The following MARCHF1 variants were observed in gnomAD, a reference collection of about 807,000 sequenced individuals.
MARCHF1 encodes the protein E3 ubiquitin-protein ligase MARCHF1.
Under a neutral mutation model 54.2 loss-of-function variants are expected in MARCHF1, and 40 were observed. That is an observed-to-expected ratio of 0.74 (90% CI 0.57 to 0.96). MARCHF1 has a LOEUF of 0.96. Ranked by LOEUF, MARCHF1 falls within the 40% of genes least tolerant of loss-of-function variation. The pLI is 0.00. For missense variants in MARCHF1, 586 were observed against 656.5 expected, an observed-to-expected ratio of 0.89 and a Z score of 1.17; for synonymous variants, 236 against 236.3, an observed-to-expected ratio of 1.00 and a Z score of 0.01.
At chr4:164,382,044 C>T (rs1394894376) in intron 1 of MARCHF1, among the ~76,000 whole-genome samples, 1 of 152,218 alleles carries the variant, frequency 6.6e-6, no homozygotes, top group South Asian at 2.1e-4. Flanking sequence ...TTATGCACTT[C>T]CCAGTAGAGA....
intron 4 of MARCHF1, among the ~76,000 whole-genome samples, chr4:163,726,670 AG>A (rs1002045310): frequency 6.6e-6 from 1 of 152,236 alleles, no homozygotes; most frequent in Admixed American, 6.5e-5. Context: ...TAGTTCAGTA[AG>A]AAACTCACAA....
chr4:164,098,665 A>G (rs1755467974), intron 2 of MARCHF1, among the ~76,000 whole-genome samples: 1 of 152,216 alleles, frequency 6.6e-6, no homozygotes, highest in Admixed American at 6.5e-5. Context: ...TTTAAGAAAG[A>G]ATGAAGATCT....
intron 1 of MARCHF1, among the ~76,000 whole-genome samples, chr4:164,270,935 G>A (rs1733730236): frequency 6.6e-6 from 1 of 152,040 alleles, no homozygotes; most frequent in Non-Finnish European, 1.5e-5. Context: ...GAAAAAGAAA[G>A]TTGAGGAAAT....
At chr4:163,912,363 A>G (rs1010317792) in intron 3 of MARCHF1, among the ~76,000 whole-genome samples, 2 of 152,184 alleles carry the variant, frequency 1.3e-5, no homozygotes, top group African/African-American at 4.8e-5. Context: ...GAAAATAAAA[A>G]AAGTGTTATG....
intron 1 of MARCHF1, among the ~76,000 whole-genome samples, chr4:164,164,663 G>C (rs897159858): frequency 6.6e-6 from 1 of 151,988 alleles, no homozygotes; most frequent in Admixed American, 6.6e-5. Flanking sequence ...TGCCATTATG[G>C]TGGTGGAAGA....
chr4:164,326,971 G>GTGTGTA (rs1735298195), intron 1 of MARCHF1, among the ~76,000 whole-genome samples: 1 of 149,842 alleles, frequency 6.7e-6, no homozygotes, highest in Non-Finnish European at 1.5e-5. Context: ...GTGTGTGTGT[G>GTGTGTA]TGTGTGTGTG....
chr4:164,252,297 A>C (rs771788873), intron 1 of MARCHF1, among the ~76,000 whole-genome samples: 10 of 152,154 alleles, frequency 6.6e-5, no homozygotes, highest in Non-Finnish European at 1.2e-4. Context: ...ATTTTTAAAA[A>C]TGTGTAACTA....
intron 5 of MARCHF1, among the ~76,000 whole-genome samples, chr4:163,672,992 C>T (rs975665740): frequency 6.6e-6 from 1 of 152,188 alleles, no homozygotes; most frequent in Non-Finnish European, 1.5e-5. Flanking sequence ...CTCCTTCCTC[C>T]CCTTAATCCA....
intron 1 of MARCHF1, among the ~76,000 whole-genome samples, chr4:164,318,613 G>A (rs559970653): frequency 1.0e-3 from 159 of 152,314 alleles, no homozygotes; most frequent in African/African-American, 1.4e-3. Flanking sequence ...TGAAAAACAA[G>A]GATAATTGGC....
intron 4 of MARCHF1, among the ~76,000 whole-genome samples, chr4:163,802,292 G>C (rs1748103501): frequency 6.6e-6 from 1 of 152,116 alleles, no homozygotes; most frequent in African/African-American, 2.4e-5. Flanking sequence ...AACCAAAAAG[G>C]TGGGCCTATA....
intron 2 of MARCHF1, among the ~76,000 whole-genome samples, chr4:164,032,427 G>A (rs1440685660): frequency 6.6e-6 from 1 of 152,056 alleles, no homozygotes; most frequent in East Asian, 1.9e-4. Context: ...TGGGATGTTA[G>A]GGTGTCAATG....
intron 1 of MARCHF1, among the ~76,000 whole-genome samples, chr4:164,325,333 T>TTATA (rs58385154): frequency 0.095 from 13,129 of 138,346 alleles, 712 homozygotes; most frequent in Middle Eastern, 0.13. Flanking sequence ...TAGACAGAAA[T>TTATA]TATATATATA....
intron 2 of MARCHF1, among the ~76,000 whole-genome samples, chr4:164,040,720 T>C (rs1456689874): frequency 2.6e-5 from 4 of 151,932 alleles, no homozygotes; most frequent in African/African-American, 4.8e-5. Flanking sequence ...CTCAAAATAT[T>C]ATTTTGTTCA....
At chr4:164,009,311 C>G (rs1560859949) in intron 2 of MARCHF1, among the ~76,000 whole-genome samples, 1 of 152,020 alleles carries the variant, frequency 6.6e-6, no homozygotes, top group Admixed American at 6.5e-5. Flanking sequence ...AATAACAAGT[C>G]TCTCATTAAA....
At chr4:164,101,054 T>A (rs935482844) in intron 2 of MARCHF1, among the ~76,000 whole-genome samples, 1 of 152,184 alleles carries the variant, frequency 6.6e-6, no homozygotes, top group Non-Finnish European at 1.5e-5. Flanking sequence ...GCTTTTCCAA[T>A]AGGCTTAAAA....
intron 2 of MARCHF1, among the ~76,000 whole-genome samples, chr4:164,070,954 C>T (rs140279706): frequency 2.8e-4 from 43 of 152,228 alleles, no homozygotes; most frequent in African/African-American, 8.7e-4. Flanking sequence ...ACGGGTTTAT[C>T]AAGGATTTCT....
intron 4 of MARCHF1, among the ~76,000 whole-genome samples, chr4:163,792,879 C>T (rs1291848215): frequency 6.6e-6 from 1 of 152,290 alleles, no homozygotes; most frequent in South Asian, 2.1e-4. Flanking sequence ...GGCCTGGGAA[C>T]CAGGGGCTCC....
intron 3 of MARCHF1, among the ~76,000 whole-genome samples, chr4:163,887,226 GATGT>G (rs1246904674): frequency 6.6e-6 from 1 of 151,994 alleles, no homozygotes; most frequent in Admixed American, 6.6e-5. Context: ...GTAATTAATA[GATGT>G]ATGATTGGGG....
intron 3 of MARCHF1, among the ~76,000 whole-genome samples, chr4:163,975,114 T>C (rs1752622546): frequency 6.6e-6 from 1 of 151,534 alleles, no homozygotes; most frequent in Non-Finnish European, 1.5e-5. Context: ...CTTGCCAATC[T>C]TGGGACTTCT....
Sources: gnomAD v4.1 joint callset for allele counts (sites outside exome capture counted in the v4.1 genomes callset) on GRCh38, gnomAD v4.1.1 for gene constraint, MANE v1.5 for transcripts, NCBI Gene and HGNC (gene_info 2026-07-23, HGNC 2026-07-21) for gene names.